The following CACNB2 variants were observed in gnomAD, a reference collection of about 807,000 sequenced individuals.
CACNB2 encodes voltage-dependent L-type calcium channel subunit beta-2.
In CACNB2, 42 loss-of-function variants were observed where a neutral mutation model predicts 73.3. The observed-to-expected ratio is 0.57, with a 90% CI of 0.45 to 0.74. CACNB2 has a LOEUF of 0.74. Among genes scored for constraint, CACNB2 ranks in the 30% least tolerant of loss-of-function variants. The pLI, the probability that CACNB2 is intolerant of heterozygous loss-of-function variation, is 0.00. For missense variants in CACNB2, 940 were observed against 853.0 expected, an observed-to-expected ratio of 1.10 and a Z score of -1.27; for synonymous variants, 348 against 310.3, an observed-to-expected ratio of 1.12 and a Z score of -1.28.
At chr10:18,415,737 C>T (rs1307629060) in intron 3 of CACNB2, among the ~76,000 whole-genome samples, 3 of 152,164 alleles carry the variant, frequency 2.0e-5, no homozygotes, top group African/African-American at 7.2e-5. Flanking sequence ...AATCTCAATT[C>T]GCAATTTACT....
intron 10 of CACNB2, among the ~76,000 whole-genome samples, chr10:18,528,257 GTTTGT>G (rs759008433): frequency 8.5e-5 from 13 of 152,108 alleles, no homozygotes; most frequent in East Asian, 3.8e-4. Flanking sequence ...ATATCAATAT[GTTTGT>G]TTTATTTGTA....
intron 2 of CACNB2, among the ~76,000 whole-genome samples, chr10:18,160,397 C>A (rs950627850): frequency 6.6e-6 from 1 of 152,084 alleles, no homozygotes; most frequent in African/African-American, 2.4e-5. Flanking sequence ...CTTCAACTCT[C>A]AGATATGCTT....
intron 2 of CACNB2, among the ~76,000 whole-genome samples, chr10:18,333,145 T>TG (rs2040868559): frequency 1.3e-5 from 2 of 152,186 alleles, no homozygotes; most frequent in Admixed American, 6.5e-5. Flanking sequence ...GCGATAGGGA[T>TG]GGGGGGATGG....
chr10:18,170,785 A>G (rs1045512166), intron 2 of CACNB2, among the ~76,000 whole-genome samples: 2 of 152,232 alleles, frequency 1.3e-5, no homozygotes, highest in African/African-American at 4.8e-5. Flanking sequence ...ATTCTTGACA[A>G]TGCTCTTTTA....
intron 9 of CACNB2, among the ~76,000 whole-genome samples, 193 bp downstream of exon 9, chr10:18,519,161 GTC>G (rs2051583014): frequency 6.6e-6 from 1 of 152,104 alleles, no homozygotes. Flanking sequence ...AACCCCTGAT[GTC>G]TAGTTCCTGT....
At chr10:18,505,142 A>G (rs780593796) in intron 5 of CACNB2, among the ~76,000 whole-genome samples, 1 of 151,950 alleles carries the variant, frequency 6.6e-6, no homozygotes, top group Non-Finnish European at 1.5e-5. Flanking sequence ...CACCATTTGC[A>G]GCATTTGTCA....
At chr10:18,523,132 AG>A (rs2052093123) in intron 9 of CACNB2, among the ~76,000 whole-genome samples, 1 of 152,156 alleles carries the variant, frequency 6.6e-6, no homozygotes, top group African/African-American at 2.4e-5. Flanking sequence ...CAAGTATAAA[AG>A]GCATAGCTCT....
chr10:18,438,376 A>G (rs993581356), intron 3 of CACNB2, among the ~76,000 whole-genome samples: 1 of 151,924 alleles, frequency 6.6e-6, no homozygotes, highest in African/African-American at 2.4e-5. Flanking sequence ...TTCCTATGCC[A>G]TTTGCTCTGA....
intron 13 of CACNB2, among the ~76,000 whole-genome samples, chr10:18,538,941 C>A (rs1366702662): frequency 1.3e-5 from 2 of 151,120 alleles, no homozygotes; most frequent in Admixed American, 1.3e-4. Context: ...TGTATTTGAG[C>A]CACAGGAGAA....
chr10:18,441,281 T>C (rs2046397640), intron 3 of CACNB2, among the ~76,000 whole-genome samples: 1 of 152,180 alleles, frequency 6.6e-6, no homozygotes, highest in Non-Finnish European at 1.5e-5. Flanking sequence ...GGCGCATGCC[T>C]GTAATCCCAG....
At chr10:18,331,457 T>TAAA (rs559677087) in intron 2 of CACNB2, among the ~76,000 whole-genome samples, 46 of 138,456 alleles carry the variant, frequency 3.3e-4, no homozygotes, top group Admixed American at 2.7e-3. Flanking sequence ...GCATCTCATT[T>TAAA]AAAAAAAAAA....
intron 2 of CACNB2, among the ~76,000 whole-genome samples, chr10:18,322,583 T>C (rs2040434771): frequency 6.6e-6 from 1 of 152,194 alleles, no homozygotes; most frequent in East Asian, 1.9e-4. Flanking sequence ...TCTAATTATA[T>C]GATTTTATTT....
intron 2 of CACNB2, among the ~76,000 whole-genome samples, chr10:18,315,774 G>A (rs56362176): frequency 4.6e-4 from 70 of 152,128 alleles, no homozygotes; most frequent in African/African-American, 1.7e-3. Flanking sequence ...AAATAAAGAA[G>A]AAAATAAGTT....
At chr10:18,228,456 A>AAG (rs1486535881) in intron 2 of CACNB2, among the ~76,000 whole-genome samples, 2 of 150,136 alleles carry the variant, frequency 1.3e-5, no homozygotes, top group Non-Finnish European at 3.0e-5. Context: ...AAAAGAAAAA[A>AAG]AAAAAGAAAA....
At chr10:18,141,122 C>A in intron 1 of CACNB2, 4 of 1,548,946 alleles carry the variant, frequency 2.6e-6, no homozygotes, top group Non-Finnish European at 3.5e-6. Flanking sequence ...CCAGACTTCT[C>A]CCGGGTTGCT....
intron 7 of CACNB2, among the ~76,000 whole-genome samples, chr10:18,516,341 C>G (rs2051281709): frequency 6.6e-6 from 1 of 152,176 alleles, no homozygotes; most frequent in Non-Finnish European, 1.5e-5. Context: ...ATTTCTGTAG[C>G]TACCCTATTG....
chr10:18,318,470 TAACTC>T (rs1255634580), intron 2 of CACNB2, among the ~76,000 whole-genome samples: 3 of 152,166 alleles, frequency 2.0e-5, no homozygotes, highest in South Asian at 4.1e-4. Context: ...ATACAAAAAT[TAACTC>T]AAGGTGGATT....
intron 2 of CACNB2, among the ~76,000 whole-genome samples, chr10:18,228,354 A>T (rs2036082402): frequency 6.8e-6 from 1 of 146,760 alleles, no homozygotes; most frequent in South Asian, 2.2e-4. Context: ...AATCGCTTGA[A>T]CTTGGAAGGC....
At chr10:18,345,251 T>A (rs2041401774) in intron 2 of CACNB2, among the ~76,000 whole-genome samples, 2 of 152,204 alleles carry the variant, frequency 1.3e-5, no homozygotes, top group South Asian at 4.1e-4. Flanking sequence ...GCTTTTGATA[T>A]CTTTTTTTCC....
Sources: gnomAD v4.1 joint callset for allele counts (sites outside exome capture counted in the v4.1 genomes callset) on GRCh38, gnomAD v4.1.1 for gene constraint, MANE v1.5 for transcripts, NCBI Gene and HGNC (gene_info 2026-07-23, HGNC 2026-07-21) for gene names.